DDHD1: variants seen among roughly 807,000 people sequenced by gnomAD.
The protein encoded by DDHD1 is phospholipase DDHD1.
In DDHD1, 49 loss-of-function variants were observed where a neutral mutation model predicts 96.4. The ratio of observed to expected loss-of-function variants is 0.51; its 90% CI spans 0.40 to 0.64. The LOEUF (loss-of-function observed/expected upper bound fraction) is 0.64. Among genes scored for constraint, DDHD1 ranks in the 30% least tolerant of loss-of-function variants. The pLI is 0.00. For missense variants in DDHD1, 1,106 were observed against 1,161.2 expected (o/e 0.95, Z 0.69); for synonymous variants, 442 against 446.5 (o/e 0.99, Z 0.13).
chr14:53,104,753 AT>A (rs1339933424), intron 1 of DDHD1, among the ~76,000 whole-genome samples: 4 of 152,082 alleles, frequency 2.6e-5, no homozygotes, highest in African/African-American at 7.2e-5. Context: ...CTTTAAAACA[AT>A]TTTTTAATAA....
At chr14:53,136,884 T>C (rs186194366) in intron 1 of DDHD1, among the ~76,000 whole-genome samples, 1 of 152,164 alleles carries the variant, frequency 6.6e-6, no homozygotes, top group Admixed American at 6.5e-5. Flanking sequence ...CAAAAACATA[T>C]AAAGCATATG....
At chr14:53,118,402 T>A (rs1034955173) in intron 1 of DDHD1, among the ~76,000 whole-genome samples, 2 of 152,080 alleles carry the variant, frequency 1.3e-5, no homozygotes, top group Non-Finnish European at 2.9e-5. Flanking sequence ...ACAAGAAAGC[T>A]AAAAACCTTG....
At chr14:53,109,990 C>T (rs992573588) in intron 1 of DDHD1, among the ~76,000 whole-genome samples, 3 of 152,146 alleles carry the variant, frequency 2.0e-5, no homozygotes, top group African/African-American at 7.2e-5. Context: ...AAACCCTTAG[C>T]TTCCTGGAAA....
At position 53,076,074 on chromosome 14, in the gene DDHD1, G is replaced by A. The variant is rs557683644; in HGVS notation, c.1290-2227C>T. On this transcript the variant is annotated intron_variant, in intron 4 of 12. Transcript: ENST00000673822. Reference sequence around the variant, plus strand: ...ACACAATATCCACTCTGCAGCCCACGGATCAAGGAGTAATTTTAACTTTCA... The same window carrying A: ...ACACAATATCCACTCTGCAGCCCACAGATCAAGGAGTAATTTTAACTTTCA... Among the ~76,000 whole-genome samples the A allele has an allele frequency of 5.9e-5, 9 of 152,180 alleles. No homozygotes were observed. The South Asian group carries it at 1.7e-3, about 28-fold the overall frequency.
At chr14:53,145,548 T>C (rs1890923818) in intron 1 of DDHD1, among the ~76,000 whole-genome samples, 1 of 150,534 alleles carries the variant, frequency 6.6e-6, no homozygotes, top group Admixed American at 6.6e-5. Flanking sequence ...GTACAACTAG[T>C]TATTTGTCCC....
At chr14:53,086,263 C>T (rs1885940391) in intron 4 of DDHD1, among the ~76,000 whole-genome samples, 2 of 152,140 alleles carry the variant, frequency 1.3e-5, no homozygotes, top group South Asian at 2.1e-4. Flanking sequence ...CCCAACCTAG[C>T]AAGGCAGGCC....
At chr14:53,047,719 G>A (rs1882145311) in intron 12 of DDHD1, among the ~76,000 whole-genome samples, 1 of 152,176 alleles carries the variant, frequency 6.6e-6, no homozygotes, top group African/African-American at 2.4e-5. Flanking sequence ...AAAGCCCACA[G>A]AAAGTCCTTG....
intron 1 of DDHD1, among the ~76,000 whole-genome samples, chr14:53,147,926 T>C (rs985726013): frequency 2.6e-5 from 4 of 152,170 alleles, no homozygotes; most frequent in African/African-American, 9.7e-5. Context: ...CACAAAGGAT[T>C]GTTATTATGA....
intron 4 of DDHD1, among the ~76,000 whole-genome samples, chr14:53,082,967 A>G (rs1419637390): frequency 5.3e-5 from 8 of 152,170 alleles, no homozygotes; most frequent in Admixed American, 4.6e-4. Context: ...AAATTTGTGT[A>G]TGCCTAAAGA....
chr14:53,134,613 A>AG (rs1890098428), intron 1 of DDHD1, among the ~76,000 whole-genome samples: 1 of 151,154 alleles, frequency 6.6e-6, no homozygotes, highest in Non-Finnish European at 1.5e-5. Flanking sequence ...AAAAAAAAAA[A>AG]GAGCAGACTC....
chr14:53,139,296 TCATCAC>T (rs1259100885), intron 1 of DDHD1, among the ~76,000 whole-genome samples: 4 of 151,998 alleles, frequency 2.6e-5, no homozygotes, highest in Non-Finnish European at 5.9e-5. Context: ...GCCCACACCA[TCATCAC>T]CAAGTTAGGG....
In DDHD1 at chr14:53,041,916, A is replaced by G. The variant is rs1881686388; in HGVS notation, c.*4852T>C. 6.6e-6 allele frequency: 1 copy of G among 152,186 alleles called. No individual in the cohort carries two copies. The highest frequency in any genetic ancestry group is 1.5e-5 in the Non-Finnish European group (1 of 68,068). 9.4% of individuals were successfully genotyped at this position (152,186 alleles called of 1,614,324 possible). A position where few individuals can be genotyped will look rare whatever the true frequency, so the allele number is the denominator to read the frequency against. On this transcript the variant is annotated 3_prime_UTR_variant, in exon 13 of 13. Transcript: ENST00000673822. ...GAGGGGAGGTTGGGGGACAAAAACA[A>G]AGAGAGGCAGTTTCTGCCCTTTAGG...
At chr14:53,133,152 T>C (rs2139846523) in intron 1 of DDHD1, among the ~76,000 whole-genome samples, 1 of 152,308 alleles carries the variant, frequency 6.6e-6, no homozygotes, top group African/African-American at 2.4e-5. Flanking sequence ...TTCCATCCAC[T>C]ATTCTACTAC....
chr14:53,051,472 A>C (rs2139822693), intron 12 of DDHD1, among the ~76,000 whole-genome samples: 1 of 152,098 alleles, frequency 6.6e-6, no homozygotes, highest in East Asian at 1.9e-4. Context: ...GAATGATGAC[A>C]TTCTTTGTAC....
chr14:53,121,237 T>G (rs186679066), intron 1 of DDHD1, among the ~76,000 whole-genome samples: 24 of 152,214 alleles, frequency 1.6e-4, no homozygotes, highest in Admixed American at 3.3e-4. Context: ...ATGAGATACC[T>G]CTCACACCAG....
chr14:53,152,141 A>AG, intron 1 of DDHD1, 120 bp downstream of exon 1: 2 of 1,025,256 alleles, frequency 2.0e-6, no homozygotes, highest in Non-Finnish European at 2.7e-6. Context: ...ATCCTGCCCC[A>AG]GCCAAACGCC....
chr14:53,111,665 C>A (rs577327057), intron 1 of DDHD1, among the ~76,000 whole-genome samples: 27 of 152,068 alleles, frequency 1.8e-4, no homozygotes, highest in Admixed American at 3.3e-4. Context: ...TTAGACTCAG[C>A]AAATTAAGAA....
At chr14:53,060,972 C>T (rs1171215229) in intron 8 of DDHD1, among the ~76,000 whole-genome samples, 154 bp downstream of exon 8, 1 of 151,978 alleles carries the variant, frequency 6.6e-6, no homozygotes, top group Non-Finnish European at 1.5e-5. Flanking sequence ...CTTTGTACAA[C>T]CAGAAATGGC....
chr14:53,095,312 C>T (rs1203842266), intron 2 of DDHD1, among the ~76,000 whole-genome samples: 1 of 152,104 alleles, frequency 6.6e-6, no homozygotes, highest in African/African-American at 2.4e-5. Context: ...GACAAACTGA[C>T]CTGCCACAGA....
Sources: gnomAD v4.1 joint callset for allele counts (sites outside exome capture counted in the v4.1 genomes callset) on GRCh38, gnomAD v4.1.1 for gene constraint, MANE v1.5 for transcripts, NCBI Gene and HGNC (gene_info 2026-07-23, HGNC 2026-07-21) for gene names.